AXDND1: variants seen among roughly 807,000 people sequenced by gnomAD.
AXDND1 encodes the protein axonemal dynein light chain domain containing 1.
Under a neutral mutation model 137.5 loss-of-function variants are expected in AXDND1, and 110 were observed. The ratio of observed to expected loss-of-function variants is 0.80; its 90% CI spans 0.69 to 0.94. The LOEUF (loss-of-function observed/expected upper bound fraction) is 0.94. AXDND1 is among the 40% of genes least tolerant of loss of function. The pLI, the probability that AXDND1 is intolerant of heterozygous loss-of-function variation, is 0.00. For missense variants in AXDND1, 1,191 were observed against 1,169.8 expected, an observed-to-expected ratio of 1.02 and a Z score of -0.26; for synonymous variants, 414 against 399.7, an observed-to-expected ratio of 1.04 and a Z score of -0.43.
At chr1:179,385,056 A>G (rs1648983699) in intron 8 of AXDND1, among the ~76,000 whole-genome samples, 182 bp from the exon 9 acceptor site, 1 of 152,200 alleles carries the variant, frequency 6.6e-6, no homozygotes, top group South Asian at 2.1e-4. Flanking sequence ...GAGCCACTGC[A>G]CTTGGGCAGA....
chr1:179,406,451 G>A (rs1305153257), intron 11 of AXDND1, among the ~76,000 whole-genome samples: 1 of 152,100 alleles, frequency 6.6e-6, no homozygotes, highest in African/African-American at 2.4e-5. Context: ...GCTGAGTGTA[G>A]GGTTTTGAAG....
intron 16 of AXDND1, among the ~76,000 whole-genome samples, chr1:179,466,160 T>G (rs900837540): frequency 1.3e-5 from 2 of 151,898 alleles, no homozygotes; most frequent in African/African-American, 4.8e-5. Flanking sequence ...ACCCAATACC[T>G]CAGTTGGAAA....
chr1:179,483,274 T>C, intron 18 of AXDND1, 53 bp downstream of exon 18: 4 of 1,295,794 alleles, frequency 3.1e-6, no homozygotes, highest in Admixed American at 2.2e-5. Flanking sequence ...CTGGCAAATT[T>C]CTTCAAGGAA....
chr1:179,483,139 C>G lies in AXDND1; in HGVS notation c.2009C>G (p.Ala670Gly). The G allele has an allele frequency of 6.3e-7, 1 of 1,597,534 alleles. No homozygotes were observed. The highest frequency in any genetic ancestry group is 8.5e-7 in the Non-Finnish European group (1 of 1,171,008). Residue 670 changes from alanine to glycine, a missense_variant, in exon 18 of 26, where the codon GCG becomes GGG. By Grantham distance (60) the Ala-to-Gly change is moderately conservative. Transcript: ENST00000367618. ...IDVDSVSVLQ[A>G]YIFNMIQQWL... is the part of the protein sequence containing the mutation. ...GATTTTTCCTTCAGGGTACTCCAAG[C>G]GTATATATTTAACATGATTCAACAA... is the stretch of plus-strand genomic sequence containing the variant.
At chr1:179,406,455 T>G (rs570071600) in intron 11 of AXDND1, among the ~76,000 whole-genome samples, 7 of 152,270 alleles carry the variant, frequency 4.6e-5, no homozygotes, top group African/African-American at 1.4e-4. Context: ...AGTGTAGGGT[T>G]TTGAAGGCCC....
intron 8 of AXDND1, among the ~76,000 whole-genome samples, chr1:179,384,598 T>C (rs1005446752): frequency 5.3e-5 from 8 of 152,204 alleles, no homozygotes; most frequent in Non-Finnish European, 7.3e-5. Flanking sequence ...TTTGTTTTTC[T>C]TGACCTTGTT....
At chr1:179,408,592 C>G (rs1449886295) in intron 11 of AXDND1, among the ~76,000 whole-genome samples, 1 of 152,116 alleles carries the variant, frequency 6.6e-6, no homozygotes, top group Non-Finnish European at 1.5e-5. Context: ...GTTGGCCAGA[C>G]TGGTCTTGAA....
intron 15 of AXDND1, among the ~76,000 whole-genome samples, chr1:179,437,874 G>A (rs188343567): frequency 4.6e-5 from 7 of 152,184 alleles, no homozygotes; most frequent in South Asian, 4.1e-4. Context: ...GGTAATGGCC[G>A]GGCATTGTGG....
At chr1:179,472,783 A>G (rs186472978) in intron 17 of AXDND1, among the ~76,000 whole-genome samples, 2 of 152,300 alleles carry the variant, frequency 1.3e-5, no homozygotes, top group Admixed American at 1.3e-4. Context: ...AAATTTTAAA[A>G]TCTATTTTAT....
At chr1:179,466,310 G>A (rs1242142773) in intron 16 of AXDND1, among the ~76,000 whole-genome samples, 1 of 119,844 alleles carries the variant, frequency 8.3e-6, no homozygotes, top group Non-Finnish European at 1.7e-5. Context: ...TTTTGAGATG[G>A]GGTCTAATTA....
chr1:179,396,176 G>GAAAAAAAAAAAA (rs71111985), intron 11 of AXDND1, among the ~76,000 whole-genome samples: 1 of 106,012 alleles, frequency 9.4e-6, no homozygotes, highest in Non-Finnish European at 2.0e-5. Context: ...CCCATAAAAA[G>GAAAAAAAAAAAA]AAAAAAAAAA....
intron 21 of AXDND1, among the ~76,000 whole-genome samples, chr1:179,514,391 T>C (rs2125654134): frequency 6.6e-6 from 1 of 152,272 alleles, no homozygotes; most frequent in African/African-American, 2.4e-5. Context: ...AAGGTTCCTT[T>C]TGGAGTTGAT....
rs1174142297 is a variant in AXDND1, at chr1:179,492,901, A to G, written c.2338A>G (p.Asn780Asp). ...AGCAATGGCTCTGAGTAAATCCACT[A>G]ACTCACACAAAAATGCTACTGAAGA... is the stretch of plus-strand genomic sequence containing the variant. ...VTAMALSKSTNSHKNATEDLY... is the reference protein window; with the variant it reads ...VTAMALSKSTDSHKNATEDLY... The change falls in exon 20 of 26, where the codon AAC becomes GAC. Residue 780 changes from asparagine to aspartate, a missense_variant. Coordinates refer to ENST00000367618, the MANE Select transcript of AXDND1 (RefSeq NM_144696.6). The G allele has an allele frequency of 6.2e-7, 1 of 1,611,928 alleles. No individual in the cohort carries two copies. The highest frequency in any genetic ancestry group is 1.7e-5 in the Admixed American group (1 of 59,414).
intron 10 of AXDND1, among the ~76,000 whole-genome samples, chr1:179,394,373 G>C (rs931300479): frequency 2.6e-4 from 39 of 152,118 alleles, no homozygotes; most frequent in Admixed American, 2.4e-3. Context: ...AGGATCACTT[G>C]AGGTCAGGAG....
chr1:179,408,968 C>CTTTTTTTTTTTTTTTTTTTTTTTTTTT (rs74384865), intron 11 of AXDND1, among the ~76,000 whole-genome samples: 3 of 126,402 alleles, frequency 2.4e-5, no homozygotes, highest in African/African-American at 6.2e-5. Flanking sequence ...TTTTTTCTTT[C>CTTTTTTTTTTTTTTTTTTTTTTTTTTT]TTTTTTTTTT....
chr1:179,397,906 A>T (rs1651325431), intron 11 of AXDND1, among the ~76,000 whole-genome samples: 1 of 152,134 alleles, frequency 6.6e-6, no homozygotes, highest in African/African-American at 2.4e-5. Context: ...ATTGTGATTC[A>T]TAGCATCCTT....
intron 25 of AXDND1, among the ~76,000 whole-genome samples, chr1:179,538,400 C>G (rs932150199): frequency 9.2e-5 from 14 of 152,182 alleles, no homozygotes; most frequent in African/African-American, 3.4e-4. Context: ...TGTCTTCATT[C>G]TCATTGGCTT....
intron 25 of AXDND1, among the ~76,000 whole-genome samples, chr1:179,547,558 A>G (rs1032362994): frequency 1.3e-5 from 2 of 152,190 alleles, no homozygotes; most frequent in Non-Finnish European, 2.9e-5. Flanking sequence ...TGCCAGGACA[A>G]TGCTTCTATT....
At chr1:179,504,230 T>C (rs1469642060) in intron 20 of AXDND1, among the ~76,000 whole-genome samples, 1 of 152,200 alleles carries the variant, frequency 6.6e-6, no homozygotes, top group Non-Finnish European at 1.5e-5. Flanking sequence ...AACAGGCTGT[T>C]ATACTTCTGA....
Sources: allele counts gnomAD v4.1 joint callset (sites outside exome capture counted in the v4.1 genomes callset), GRCh38; gene constraint gnomAD v4.1.1; transcripts MANE v1.5; gene names NCBI Gene and HGNC (gene_info 2026-07-23, HGNC 2026-07-21).